The following NRXN3 variants were observed in gnomAD, a reference collection of about 807,000 sequenced individuals.
NRXN3 encodes neurexin III.
NRXN3 carries 32 observed loss-of-function variants against 137.6 expected under a neutral mutation model. That is an observed-to-expected ratio of 0.23 (90% CI 0.18 to 0.31). The LOEUF is 0.31. NRXN3 is among the 10% of genes least tolerant of loss of function. The pLI, the probability that NRXN3 is intolerant of heterozygous loss-of-function variation, is 1.00. For missense variants in NRXN3, 1,574 were observed against 2,062.5 expected (o/e 0.76, Z 4.59); for synonymous variants, 798 against 784.5 (o/e 1.02, Z -0.29).
intron 15 of NRXN3, among the ~76,000 whole-genome samples, chr14:79,038,882 A>C (rs1336288587): frequency 6.6e-6 from 1 of 152,032 alleles, no homozygotes; most frequent in Non-Finnish European, 1.5e-5. Context: ...TTCCATCTTT[A>C]TTTGCCATAA....
chr14:78,600,053 C>T (rs1174371115), intron 4 of NRXN3, among the ~76,000 whole-genome samples: 1 of 152,244 alleles, frequency 6.6e-6, no homozygotes, highest in East Asian at 1.9e-4. Context: ...CCCTTAGACA[C>T]ATAAGAGAGG....
At chr14:78,913,279 T>TTC (rs2099245641) in intron 10 of NRXN3, among the ~76,000 whole-genome samples, 1 of 124,482 alleles carries the variant, frequency 8.0e-6, no homozygotes, top group South Asian at 2.7e-4. Flanking sequence ...TCTTTCTTTT[T>TTC]TTTTTTTTTT....
At chr14:78,330,448 T>TCCC (rs2080673633) in intron 4 of NRXN3, among the ~76,000 whole-genome samples, 1 of 152,178 alleles carries the variant, frequency 6.6e-6, no homozygotes, top group Non-Finnish European at 1.5e-5. Flanking sequence ...GTGGGCTTGG[T>TCCC]ACACTGTTCT....
intron 1 of NRXN3, among the ~76,000 whole-genome samples, chr14:78,180,603 T>TCCCAG (rs1195943923): frequency 6.6e-6 from 1 of 152,236 alleles, no homozygotes; most frequent in Non-Finnish European, 1.5e-5. Context: ...AAAAAGGATG[T>TCCCAG]TGAGACCTCT....
chr14:78,984,059 G>C (rs373436840), intron 14 of NRXN3, among the ~76,000 whole-genome samples: 1 of 151,992 alleles, frequency 6.6e-6, no homozygotes, highest in African/African-American at 2.4e-5. Flanking sequence ...TATAGGAGGC[G>C]GGGGGAGGGG....
Position 78,703,667 on chromosome 14 carries a change from T to C in NRXN3, c.1222-5550T>C, listed in dbSNP as rs185514869. The C allele has an allele frequency of 2.6e-5, 4 of 152,344 alleles. No individual in the cohort carries two copies. In the East Asian group the frequency reaches 7.7e-4, roughly 29 times the overall value. The allele number at this position is 152,344 out of a possible 1,614,324, so 9.4% of individuals were successfully genotyped here. On this transcript the variant is annotated intron_variant, in intron 6 of 20. Coordinates refer to ENST00000335750, the MANE Select transcript of NRXN3 (RefSeq NM_001330195.2). ...GTAGTCAACTCTGCTCCACTCATGG[T>C]ACCCCAATACTGGCTTCTCCACCAT...
intron 10 of NRXN3, among the ~76,000 whole-genome samples, chr14:78,856,084 C>T (rs1427060205): frequency 6.6e-6 from 1 of 152,160 alleles, no homozygotes; most frequent in Non-Finnish European, 1.5e-5. Flanking sequence ...TATGCACAAC[C>T]CTCATCCACT....
chr14:79,262,828 G>T (rs2077838978), intron 15 of NRXN3, among the ~76,000 whole-genome samples: 1 of 152,158 alleles, frequency 6.6e-6, no homozygotes, highest in Non-Finnish European at 1.5e-5. Flanking sequence ...GATGGCTCCT[G>T]GGTGGATAGC....
At chr14:78,708,822 T>C (rs755572647) in intron 6 of NRXN3, among the ~76,000 whole-genome samples, 2 of 152,238 alleles carry the variant, frequency 1.3e-5, no homozygotes, top group East Asian at 3.9e-4. Context: ...TATAACGCTG[T>C]GCCATCTGCT....
intron 4 of NRXN3, among the ~76,000 whole-genome samples, chr14:78,554,971 T>C (rs950213066): frequency 6.6e-6 from 1 of 152,062 alleles, no homozygotes; most frequent in African/African-American, 2.4e-5. Flanking sequence ...CATAGAACAG[T>C]CGAGAGCATG....
intron 8 of NRXN3, among the ~76,000 whole-genome samples, chr14:78,739,692 G>A (rs36100699): frequency 0.22 from 33,827 of 151,930 alleles, 3,976 homozygotes; most frequent in Middle Eastern, 0.28. Flanking sequence ...GGCTGCTCTC[G>A]AACCCCTGAC....
chr14:78,180,382 G>C (rs958222962), intron 1 of NRXN3, among the ~76,000 whole-genome samples: 2 of 152,198 alleles, frequency 1.3e-5, no homozygotes, highest in African/African-American at 4.8e-5. Context: ...GTAACAAAAA[G>C]AACCATTTGA....
In NRXN3 at chr14:79,550,216, G is replaced by A. The variant is rs757052504; in HGVS notation, c.3444+82814G>A. Among the ~76,000 whole-genome samples the A allele has an allele frequency of 4.4e-4, 67 of 152,058 alleles. No homozygotes were observed. The Middle Eastern group carries it at 0.01, about 23-fold the overall frequency. On this transcript the variant is annotated intron_variant, in intron 16 of 20. Transcript: ENST00000335750. ...GATCTCTTGACCTCATGATCCACCC[G>A]CCTCAGCCTTCCAAAGTGCTGGGAT... is the stretch of plus-strand genomic sequence containing the variant.
intron 4 of NRXN3, among the ~76,000 whole-genome samples, chr14:78,513,728 T>A (rs1448374368): frequency 6.6e-6 from 1 of 152,148 alleles, no homozygotes; most frequent in Non-Finnish European, 1.5e-5. Flanking sequence ...CATCAGCTCG[T>A]GAGCTCATAG....
At chr14:79,387,955 G>T (rs1018097358) in intron 15 of NRXN3, among the ~76,000 whole-genome samples, 2 of 118,574 alleles carry the variant, frequency 1.7e-5, no homozygotes, top group African/African-American at 6.5e-5. Context: ...GCCTGTTGTG[G>T]GGTGGGGGGA....
chr14:79,636,236 C>A (rs1397444661), intron 16 of NRXN3, among the ~76,000 whole-genome samples: 4 of 152,128 alleles, frequency 2.6e-5, no homozygotes, highest in Admixed American at 6.5e-5. Context: ...TTTGGAGACA[C>A]AATTTAACCC....
At chr14:78,984,608 T>G (rs1238999105) in intron 14 of NRXN3, among the ~76,000 whole-genome samples, 1 of 152,144 alleles carries the variant, frequency 6.6e-6, no homozygotes, top group Non-Finnish European at 1.5e-5. Flanking sequence ...GCATGAAGTA[T>G]TAAGGCAGTG....
intron 16 of NRXN3, among the ~76,000 whole-genome samples, chr14:79,489,817 A>G (rs1162961751): frequency 1.3e-5 from 2 of 152,008 alleles, no homozygotes; most frequent in Admixed American, 1.3e-4. Flanking sequence ...AGATGGGCGG[A>G]TCACGAGCTC....
chr14:78,854,613 C>T (rs1259915661), intron 10 of NRXN3, among the ~76,000 whole-genome samples: 2 of 152,026 alleles, frequency 1.3e-5, no homozygotes, highest in African/African-American at 2.4e-5. Flanking sequence ...TAAGTATATG[C>T]ATGTGTGTGA....
Sources: gnomAD v4.1 joint callset for allele counts (sites outside exome capture counted in the v4.1 genomes callset) on GRCh38, gnomAD v4.1.1 for gene constraint, MANE v1.5 for transcripts, NCBI Gene and HGNC (gene_info 2026-07-23, HGNC 2026-07-21) for gene names.